DLG2: variants seen among roughly 807,000 people sequenced by gnomAD.
DLG2 encodes the protein discs large MAGUK scaffold protein 2, also known as disks large homolog 2.
Under a neutral mutation model 132.5 loss-of-function variants are expected in DLG2, and 45 were observed. The observed-to-expected ratio is 0.34, with a 90% CI of 0.27 to 0.44. The LOEUF is 0.44. Ranked by LOEUF, DLG2 falls within the 20% of genes least tolerant of loss-of-function variation. The pLI, the probability that DLG2 is intolerant of heterozygous loss-of-function variation, is 1.00. For synonymous variants in DLG2, 424 were observed against 419.6 expected (o/e 1.01, Z -0.13); for missense variants, 1,045 against 1,196.9 (o/e 0.87, Z 1.87).
At chr11:84,794,033 T>C (rs1309835114) in intron 6 of DLG2, among the ~76,000 whole-genome samples, 1 of 152,222 alleles carries the variant, frequency 6.6e-6, no homozygotes, top group African/African-American at 2.4e-5. Flanking sequence ...TGGTATGATT[T>C]AATTTCTAAT....
At chr11:83,945,077 C>T (rs1050789596) in intron 14 of DLG2, among the ~76,000 whole-genome samples, 1 of 152,116 alleles carries the variant, frequency 6.6e-6, no homozygotes, top group South Asian at 2.1e-4. Flanking sequence ...CACCTTTAAT[C>T]TGTACAACAA....
chr11:85,357,715 T>TATATAC (rs2083831721), intron 3 of DLG2, among the ~76,000 whole-genome samples: 1 of 1,084 alleles, frequency 9.2e-4, no homozygotes, highest in Non-Finnish European at 3.6e-3. Context: ...TATATATATA[T>TATATAC]ATATATATAT....
At chr11:84,048,136 G>GT (rs1204082009) in intron 11 of DLG2, among the ~76,000 whole-genome samples, 1 of 151,028 alleles carries the variant, frequency 6.6e-6, no homozygotes, top group Non-Finnish European at 1.5e-5. Flanking sequence ...ATCAAATATG[G>GT]TGTCCTTCAT....
intron 15 of DLG2, among the ~76,000 whole-genome samples, chr11:83,928,660 G>A (rs2079484038): frequency 6.6e-6 from 1 of 152,090 alleles, no homozygotes; most frequent in African/African-American, 2.4e-5. Context: ...ATCTGGGTTT[G>A]AATCCCAGCT....
At chr11:84,472,689 T>C (rs1321233390) in intron 7 of DLG2, among the ~76,000 whole-genome samples, 1 of 152,058 alleles carries the variant, frequency 6.6e-6, no homozygotes, top group East Asian at 1.9e-4. Flanking sequence ...CTTCTATTTA[T>C]TGAGGGTCAA....
chr11:84,926,916 A>G (rs544293470), intron 6 of DLG2, among the ~76,000 whole-genome samples: 2 of 152,166 alleles, frequency 1.3e-5, no homozygotes, highest in South Asian at 4.1e-4. Context: ...AACATCTCCC[A>G]GTAATGCATG....
chr11:83,937,433 G>T (rs1053209222), intron 14 of DLG2, among the ~76,000 whole-genome samples: 2 of 149,684 alleles, frequency 1.3e-5, no homozygotes, highest in Non-Finnish European at 1.5e-5. Flanking sequence ...GCCTGAACCT[G>T]GAAGGCGGAG....
chr11:84,879,508 G>C (rs373121443), intron 6 of DLG2, among the ~76,000 whole-genome samples: 1 of 152,122 alleles, frequency 6.6e-6, no homozygotes, highest in Non-Finnish European at 1.5e-5. Flanking sequence ...CTTTGTTTGT[G>C]TGTGGGTGGT....
intron 15 of DLG2, among the ~76,000 whole-genome samples, chr11:83,881,778 T>G (rs1354395503): frequency 1.3e-5 from 2 of 152,218 alleles, no homozygotes; most frequent in African/African-American, 4.8e-5. Flanking sequence ...AAGAATCAAT[T>G]GTAATTATTC....
intron 8 of DLG2, among the ~76,000 whole-genome samples, chr11:84,223,065 T>C (rs2096938120): frequency 6.6e-6 from 1 of 152,182 alleles, no homozygotes; most frequent in African/African-American, 2.4e-5. Flanking sequence ...CAAAATGTAG[T>C]AGGATCTATT....
At chr11:85,060,382 C>T (rs1048953760) in intron 6 of DLG2, among the ~76,000 whole-genome samples, 4 of 149,540 alleles carry the variant, frequency 2.7e-5, no homozygotes, top group African/African-American at 9.8e-5. Flanking sequence ...TAATACATCA[C>T]AAGATGTTAT....
At chr11:83,510,266 C>A (rs539209646) in intron 21 of DLG2, among the ~76,000 whole-genome samples, 89 of 148,250 alleles carry the variant, frequency 6.0e-4, no homozygotes, top group Non-Finnish European at 1.1e-3. Context: ...TCAGCTTTAC[C>A]CCCTTGGATG....
chr11:84,853,642 AT>A, intron 6 of DLG2, among the ~76,000 whole-genome samples: 1 of 152,154 alleles, frequency 6.6e-6, no homozygotes, highest in South Asian at 2.1e-4. Flanking sequence ...CAGCAAGATA[AT>A]GCTTTCCTCT....
intron 18 of DLG2, among the ~76,000 whole-genome samples, chr11:83,764,646 C>A (rs2094062567): frequency 6.6e-6 from 1 of 152,138 alleles, no homozygotes; most frequent in South Asian, 2.1e-4. Flanking sequence ...CTACTATTAT[C>A]TCAATTTTAT....
intron 3 of DLG2, among the ~76,000 whole-genome samples, chr11:85,481,913 C>T (rs565871046): frequency 1.3e-5 from 2 of 152,024 alleles, no homozygotes; most frequent in African/African-American, 2.4e-5. Context: ...GCTTCCAAAC[C>T]TGCCCCAACA....
chr11:85,448,356 G>A (rs1597414714), intron 3 of DLG2, among the ~76,000 whole-genome samples: 2 of 152,200 alleles, frequency 1.3e-5, no homozygotes, highest in Non-Finnish European at 2.9e-5. Context: ...TTCAAATAAT[G>A]AGCAGAGACC....
At chr11:84,925,379 T>C (rs1422319026) in intron 6 of DLG2, among the ~76,000 whole-genome samples, 2 of 152,260 alleles carry the variant, frequency 1.3e-5, no homozygotes, top group East Asian at 3.9e-4. Context: ...TGTATACATT[T>C]TTTTAAAAAG....
intron 6 of DLG2, among the ~76,000 whole-genome samples, chr11:84,613,924 T>C (rs1164588278): frequency 1.3e-5 from 2 of 152,168 alleles, no homozygotes; most frequent in Admixed American, 6.6e-5. Flanking sequence ...AATACTTTTA[T>C]AGATCCTCTC....
chr11:83,846,176 G>A (rs1337709022), intron 16 of DLG2, among the ~76,000 whole-genome samples: 3 of 152,216 alleles, frequency 2.0e-5, no homozygotes, highest in Non-Finnish European at 4.4e-5. Flanking sequence ...GGAAAGTAGA[G>A]GGTATTTCCG....
Sources: allele counts gnomAD v4.1 joint callset (sites outside exome capture counted in the v4.1 genomes callset), GRCh38; gene constraint gnomAD v4.1.1; transcripts MANE v1.5; gene names NCBI Gene and HGNC (gene_info 2026-07-23, HGNC 2026-07-21).